NRL: variants seen among roughly 807,000 people sequenced by gnomAD.
NRL encodes neural retina-specific leucine zipper protein.
In NRL, 16 loss-of-function variants were observed where a neutral mutation model predicts 12.5. The observed-to-expected ratio is 1.28, with a 90% CI of 0.87 to 1.95. NRL has a LOEUF of 1.95. NRL is among the 30% of genes most tolerant of loss of function. NRL has a pLI of 0.00. For missense variants in NRL, 314 were observed against 325.8 expected, an observed-to-expected ratio of 0.96 and a Z score of 0.28; for synonymous variants, 142 against 150.9, an observed-to-expected ratio of 0.94 and a Z score of 0.43.
In NRL at chr14:24,094,682, C is replaced by CT; in HGVS notation, c.-27-11808dup. 6.6e-7 allele frequency: 1 copy of CT among 1,521,438 alleles called. No homozygotes were observed. Among genetic ancestry groups the CT allele is most frequent in the Non-Finnish European group, 8.8e-7 (1 of 1,138,098 alleles). 94.2% of individuals were successfully genotyped at this position (1,521,438 alleles called of 1,614,324 possible). A position where few individuals can be genotyped will look rare whatever the true frequency, so the allele number is the denominator to read the frequency against. On this transcript the variant is annotated intron_variant, in intron 1 of 2. Coordinates refer to ENST00000561028, the MANE Select transcript of NRL (RefSeq NM_001354768.3). This position sits in a 1 kb window ranked among gnomAD's most constrained non-coding sequence, Gnocchi z 4.1. Reference sequence around the variant, plus strand: ...TCGCTCGCCTCTGACCGCGCGATCTCTATCTGCCACTCTCAGAACTTCCTC... The same window carrying CT: ...TCGCTCGCCTCTGACCGCGCGATCTCTTATCTGCCACTCTCAGAACTTCCTC...
At chr14:24,100,330 T>A in intron 1 of NRL, 1 of 1,504,952 alleles carries the variant, frequency 6.6e-7, no homozygotes, top group Non-Finnish European at 8.9e-7. Flanking sequence ...ACAGAAGTCA[T>A]GAACGTTTGC....
intron 1 of NRL, among the ~76,000 whole-genome samples, chr14:24,105,183 A>G (rs1271123941): frequency 6.6e-6 from 1 of 152,272 alleles, no homozygotes; most frequent in African/African-American, 2.4e-5. Context: ...GGTTATCTGC[A>G]GCAGGAGCAT....
chr14:24,082,986 G>T, intron 1 of NRL, 111 bp from the exon 2 acceptor site: 1 of 1,041,608 alleles, frequency 9.6e-7, no homozygotes, highest in Non-Finnish European at 1.4e-6. Flanking sequence ...GTTTGGGAAA[G>T]CCAGAGGGAT....
At chr14:24,111,258 C>T (rs998837481) in intron 1 of NRL, among the ~76,000 whole-genome samples, 45 of 152,184 alleles carry the variant, frequency 3.0e-4, no homozygotes, top group Non-Finnish European at 1.5e-4. Context: ...GAATTACAGT[C>T]GTAAGCCACC....
intron 1 of NRL, among the ~76,000 whole-genome samples, chr14:24,111,476 C>T (rs1054721092): frequency 2.6e-5 from 4 of 151,810 alleles, no homozygotes; most frequent in South Asian, 2.1e-4. Flanking sequence ...CGGGTTCAAG[C>T]GATTCTCTTG....
At chr14:24,095,078 G>A (rs1181765815) in intron 1 of NRL, 2 of 456,184 alleles carry the variant, frequency 4.4e-6, no homozygotes, top group African/African-American at 4.0e-5. Flanking sequence ...GAGCCCCCAG[G>A]CTCGTCCTGT....
At chr14:24,096,261 C>CA (rs1257812416) in intron 1 of NRL, among the ~76,000 whole-genome samples, 1 of 96,880 alleles carries the variant, frequency 1.0e-5, no homozygotes, top group East Asian at 3.4e-4. Flanking sequence ...TTTTTTGAGA[C>CA]AGAGTCTTGC....
chr14:24,108,408 G>A (rs531198150), intron 1 of NRL, among the ~76,000 whole-genome samples: 95 of 152,278 alleles, frequency 6.2e-4, no homozygotes, highest in African/African-American at 2.3e-3. Context: ...CGTGATCACA[G>A]CTCACTGCAG....
At chr14:24,087,285 C>G (rs957859715) in intron 1 of NRL, among the ~76,000 whole-genome samples, 1 of 152,088 alleles carries the variant, frequency 6.6e-6, no homozygotes, top group Non-Finnish European at 1.5e-5. Context: ...AAGGAAGGGA[C>G]AGGACATAAG....
At position 24,085,991 on chromosome 14, in the gene NRL, C is replaced by T. The variant is rs11847138; in HGVS notation, c.-27-3116G>A. On this transcript the variant is annotated intron_variant, in intron 1 of 2. Transcript: ENST00000561028. This position sits in a 1 kb window ranked among gnomAD's most constrained non-coding sequence, Gnocchi z 4.1. ...CAGCATTTTGGGAGGCCAAGGTGGG[C>T]GGATCACTTGAGGTCAGGAGTTCAA... 0.51 allele frequency among the ~76,000 whole-genome samples: 77,403 copies of T among 152,006 alleles called. 23,104 individuals are homozygous for T. The highest frequency in any genetic ancestry group is 0.68 in the Non-Finnish European group (45,927 of 67,948).
chr14:24,083,966 C>G (rs2036400137), intron 1 of NRL, among the ~76,000 whole-genome samples: 1 of 152,226 alleles, frequency 6.6e-6, no homozygotes, highest in African/African-American at 2.4e-5. Flanking sequence ...CCCTTCCCAG[C>G]CTTGAAGTCC....
At chr14:24,100,148 G>A (rs2037101220) in intron 1 of NRL, 1 of 1,613,846 alleles carries the variant, frequency 6.2e-7, no homozygotes, top group Non-Finnish European at 8.5e-7. Flanking sequence ...TACTGGGAGG[G>A]CATTGACCAG....
At position 24,081,601 on chromosome 14, in the gene NRL, G is replaced by T. The variant is rs752562252; in HGVS notation, c.382-33C>A. 6.4e-7 allele frequency: 1 copy of T among 1,562,532 alleles called. No homozygotes were observed. Reference sequence around the variant, plus strand: ...GGGAGAATGCAGAAACCGGGTCAGCGCCAGGTCGCACCCGGCTCTGCCCTG... The same window carrying T: ...GGGAGAATGCAGAAACCGGGTCAGCTCCAGGTCGCACCCGGCTCTGCCCTG... On this transcript the variant is annotated intron_variant, in intron 2 of 2. Coordinates refer to ENST00000561028, the MANE Select transcript of NRL (RefSeq NM_001354768.3). This position sits in a 1 kb window ranked among gnomAD's most constrained non-coding sequence, Gnocchi z 4.4.
intron 1 of NRL, among the ~76,000 whole-genome samples, chr14:24,091,200 G>C (rs2036621874): frequency 6.6e-6 from 1 of 151,660 alleles, no homozygotes; most frequent in African/African-American, 2.4e-5. Context: ...GCCCAGGCTG[G>C]AGTGCAGTGG....
chr14:24,098,327 T>C (rs368654746), intron 1 of NRL: 1 of 1,614,060 alleles, frequency 6.2e-7, no homozygotes, highest in Non-Finnish European at 8.5e-7. Context: ...GCTGGGCAAC[T>C]GGATGTCCCC....
At position 24,084,140 on chromosome 14, in the gene NRL, G is replaced by A. The variant is rs186269212; in HGVS notation, c.-27-1265C>T. Among the ~76,000 whole-genome samples the A allele has an allele frequency of 3.9e-5, 6 of 152,318 alleles. No homozygotes were observed. In the South Asian group the frequency reaches 1.0e-3, roughly 26 times the overall value. Reference sequence around the variant, plus strand: ...ATGTCAGACCCCCAGGCTCTACCCAGAGAGGCAAAGAGGAAGACCCAGGCC... The same window carrying A: ...ATGTCAGACCCCCAGGCTCTACCCAAAGAGGCAAAGAGGAAGACCCAGGCC... On this transcript the variant is annotated intron_variant, in intron 1 of 2. Transcript: ENST00000561028.
At chr14:24,084,652 A>T in intron 1 of NRL, 1 of 985,430 alleles carries the variant, frequency 1.0e-6, no homozygotes, top group Non-Finnish European at 1.2e-6. Context: ...CAGAGCCCAA[A>T]GGGCATTCTT....
intron 1 of NRL, chr14:24,102,668 C>G (rs1022604462): frequency 1.3e-5 from 15 of 1,154,486 alleles, no homozygotes; most frequent in Non-Finnish European, 1.9e-5. Flanking sequence ...AAAAAAAGAA[C>G]CCTGCAAGAA....
intron 1 of NRL, chr14:24,100,259 C>T (rs780631374): frequency 6.2e-7 from 1 of 1,600,218 alleles, no homozygotes; most frequent in Non-Finnish European, 8.5e-7. Context: ...GGCCTCAGCA[C>T]CTTAATGGTG....
Sources: gnomAD v4.1 joint callset for allele counts (sites outside exome capture counted in the v4.1 genomes callset) on GRCh38, gnomAD v4.1.1 for gene constraint, Gnocchi (gnomAD v3.1) non-coding constraint, MANE v1.5 for transcripts, NCBI Gene and HGNC (gene_info 2026-07-23, HGNC 2026-07-21) for gene names.